Variants in LYAR observed in about 807,000 individuals in gnomAD.
LYAR encodes the protein cell growth-regulating nucleolar protein.
LYAR carries 37 observed loss-of-function variants against 45.2 expected under a neutral mutation model. The ratio of observed to expected loss-of-function variants is 0.82; its 90% CI spans 0.63 to 1.08. The LOEUF is 1.08. Ranked by LOEUF, LYAR falls within the 50% of genes least tolerant of loss-of-function variation. The pLI, the probability that LYAR is intolerant of heterozygous loss-of-function variation, is 0.00. For synonymous variants in LYAR, 176 were observed against 155.1 expected, an observed-to-expected ratio of 1.14 and a Z score of -1.00; for missense variants, 493 against 451.0, an observed-to-expected ratio of 1.09 and a Z score of -0.84.
At chr4:4,284,507 C>T (rs551148797) in intron 2 of LYAR, among the ~76,000 whole-genome samples, 30 of 152,256 alleles carry the variant, frequency 2.0e-4, no homozygotes, top group African/African-American at 7.0e-4. Flanking sequence ...TCAGACAAGT[C>T]AGAAAGAAAC....
chr4:4,275,165 T>A (rs1719127537), intron 6 of LYAR, among the ~76,000 whole-genome samples: 1 of 152,208 alleles, frequency 6.6e-6, no homozygotes, highest in South Asian at 2.1e-4. Context: ...TTCTATTAAT[T>A]CCTAGTCAGG....
At chr4:4,277,563 C>T (rs1285789362) in intron 6 of LYAR, among the ~76,000 whole-genome samples, 2 of 152,198 alleles carry the variant, frequency 1.3e-5, no homozygotes, top group Non-Finnish European at 2.9e-5. Context: ...TACACACTCT[C>T]CTCAAATGTG....
intron 2 of LYAR, among the ~76,000 whole-genome samples, chr4:4,284,272 A>G (rs10011220): frequency 0.37 from 56,382 of 152,020 alleles, 11,039 homozygotes; most frequent in East Asian, 0.55. Flanking sequence ...AGGCATTGCA[A>G]TTTAGGTGTA....
intron 1 of LYAR, among the ~76,000 whole-genome samples, chr4:4,289,277 T>G (rs1157601458): frequency 6.6e-6 from 1 of 152,170 alleles, no homozygotes; most frequent in Non-Finnish European, 1.5e-5. Context: ...CAGCACTGTT[T>G]TAAACACCAT....
intron 7 of LYAR, 51 bp from the exon 8 acceptor site, chr4:4,273,720 C>T: frequency 9.2e-7 from 1 of 1,091,212 alleles, no homozygotes; most frequent in Non-Finnish European, 1.4e-6. Context: ...TTTACGCTAG[C>T]AGCTACCATT....
intron 3 of LYAR, among the ~76,000 whole-genome samples, 175 bp from the exon 4 acceptor site, chr4:4,282,072 T>TC (rs1396511928): frequency 6.6e-6 from 1 of 152,078 alleles, no homozygotes; most frequent in African/African-American, 2.4e-5. Context: ...CAGAACCACA[T>TC]CCCCCTTCCT....
Position 4,273,648 on chromosome 4 carries a change from T to C in LYAR, c.854A>G (p.Lys285Arg). ...HSEVETDSKK[K>R]KMKLPEHPEG... is the part of the protein sequence containing the mutation. ...AGGATGCTCTGGGAGCTTCATCTTT[T>C]TCTTCTTAGAATCTGTTTCAACTAA... Residue 285 changes from lysine to arginine, a missense_variant, in exon 8 of 10, where the codon AAA becomes AGA. Coordinates refer to ENST00000343470, the MANE Select transcript of LYAR (RefSeq NM_017816.3). The C allele has an allele frequency of 6.2e-7, 1 of 1,612,400 alleles. No individual in the cohort carries two copies. Among genetic ancestry groups the C allele is most frequent in the South Asian group, 1.1e-5 (1 of 90,904 alleles).
chr4:4,278,192 A>T (rs1719264047), intron 6 of LYAR, among the ~76,000 whole-genome samples: 1 of 152,218 alleles, frequency 6.6e-6, no homozygotes, highest in Admixed American at 6.5e-5. Flanking sequence ...GTACCTTCTG[A>T]AAGAGACAAA....
At chr4:4,283,912 T>G (rs1213160305) in intron 2 of LYAR, 117 bp from the exon 3 acceptor site, 1 of 546,702 alleles carries the variant, frequency 1.8e-6, no homozygotes, top group Non-Finnish European at 3.2e-6. Flanking sequence ...CAAAGTTGAT[T>G]AGCAATCTAC....
intron 3 of LYAR, among the ~76,000 whole-genome samples, chr4:4,283,219 C>T (rs375075459): frequency 5.3e-5 from 8 of 152,346 alleles, no homozygotes; most frequent in East Asian, 1.9e-4. Context: ...GGTGAAATCT[C>T]GGCTCACCGC....
intron 1 of LYAR, among the ~76,000 whole-genome samples, chr4:4,288,727 C>A (rs1002770729): frequency 6.6e-6 from 1 of 152,170 alleles, no homozygotes; most frequent in East Asian, 1.9e-4. Flanking sequence ...CTCAGGTGAT[C>A]CACCCTCCTC....
rs769456680 is a variant in LYAR at position 4,283,634 on chromosome 4, C to T, written c.109G>A (p.Gly37Ser). Residue 37 changes from glycine to serine, a missense_variant, in exon 3 of 10, where the codon GGT becomes AGT. Transcript: ENST00000343470. ...NCECLSCIDC[G>S]KDFWGDDYKN... ...TGTGAAGCTTACCAGAAATCTTTACCGCAGTCAATGCAAGAAAGGCATTCA... is the reference window on the plus strand; with the variant it reads ...TGTGAAGCTTACCAGAAATCTTTACTGCAGTCAATGCAAGAAAGGCATTCA... 23 of 1,611,800 alleles carry T rather than the reference C, an allele frequency of 1.4e-5. No homozygotes were observed. Among genetic ancestry groups the T allele is most frequent in the Non-Finnish European group, 1.9e-5 (22 of 1,179,710 alleles).
At chr4:4,282,031 A>G (rs149662283) in intron 3 of LYAR, 134 bp from the exon 4 acceptor site, 1 of 592,162 alleles carries the variant, frequency 1.7e-6, no homozygotes, top group East Asian at 2.7e-5. Flanking sequence ...CACCCCATCT[A>G]TTTCACTTAT....
intron 6 of LYAR, 62 bp from the exon 7 acceptor site, chr4:4,274,831 C>A (rs1406420906): frequency 1.8e-5 from 26 of 1,469,714 alleles, no homozygotes; most frequent in Non-Finnish European, 2.3e-5. Context: ...AGAGTTGTCA[C>A]GTTATTGCCT....
chr4:4,272,419 C>G (rs1008503021), intron 8 of LYAR, among the ~76,000 whole-genome samples: 17 of 152,176 alleles, frequency 1.1e-4, no homozygotes, highest in African/African-American at 3.6e-4. Context: ...TGGTACTGAA[C>G]CCCTATATAT....
chr4:4,278,650 G>C (rs1183289872), intron 6 of LYAR, among the ~76,000 whole-genome samples: 1 of 152,120 alleles, frequency 6.6e-6, no homozygotes, highest in Non-Finnish European at 1.5e-5. Context: ...CACCACCTGG[G>C]ATACTTTAGA....
At chr4:4,281,380 T>C (rs1321983738) in intron 4 of LYAR, among the ~76,000 whole-genome samples, 1 of 151,312 alleles carries the variant, frequency 6.6e-6, no homozygotes, top group Non-Finnish European at 1.5e-5. Context: ...TGTCACCCAG[T>C]ACAACCTCGG....
At chr4:4,281,712 T>TA (rs1288759248) in intron 4 of LYAR, 71 bp downstream of exon 4, 3 of 1,105,316 alleles carry the variant, frequency 2.7e-6, no homozygotes, top group Middle Eastern at 3.9e-4. Flanking sequence ...CATTTACTCT[T>TA]AGTCTCTTGG....
chr4:4,277,863 G>C (rs1472339229), intron 6 of LYAR, among the ~76,000 whole-genome samples: 1 of 152,190 alleles, frequency 6.6e-6, no homozygotes, highest in East Asian at 1.9e-4. Context: ...AGGTACGGAG[G>C]ACAAGGCCTC....
Sources: allele counts gnomAD v4.1 joint callset (sites outside exome capture counted in the v4.1 genomes callset), GRCh38; gene constraint gnomAD v4.1.1; transcripts MANE v1.5; gene names NCBI Gene and HGNC (gene_info 2026-07-23, HGNC 2026-07-21).